The following NBEA variants were observed in gnomAD, a reference collection of about 807,000 sequenced individuals.
NBEA encodes lysosomal-trafficking regulator 2.
NBEA carries 44 observed loss-of-function variants against 343.4 expected under a neutral mutation model. The observed-to-expected ratio is 0.13, with a 90% CI of 0.10 to 0.16. NBEA has a LOEUF of 0.16. Among genes scored for constraint, NBEA ranks in the 10% least tolerant of loss-of-function variants. The pLI is 1.00. For missense variants in NBEA, 2,555 were observed against 3,631.3 expected (o/e 0.70, Z 7.62); for synonymous variants, 1,175 against 1,238.7 (o/e 0.95, Z 1.08).
intron 10 of NBEA, among the ~76,000 whole-genome samples, chr13:35,094,717 A>G (rs116873138): frequency 0.013 from 1,925 of 152,174 alleles, 16 homozygotes; most frequent in Non-Finnish European, 0.02. Flanking sequence ...GAAATACTAT[A>G]GAAATATGAT....
At chr13:35,370,765 C>T (rs1019036362) in intron 38 of NBEA, among the ~76,000 whole-genome samples, 8 of 152,046 alleles carry the variant, frequency 5.3e-5, no homozygotes, top group African/African-American at 1.9e-4. Flanking sequence ...TCTTTTGCTT[C>T]CAAGTATAGG....
At chr13:35,652,066 G>A (rs540982873) in intron 53 of NBEA, among the ~76,000 whole-genome samples, 190 bp downstream of exon 53, 5 of 152,100 alleles carry the variant, frequency 3.3e-5, no homozygotes, top group Non-Finnish European at 5.9e-5. Flanking sequence ...TAAAGCAATC[G>A]TTTCTTGATA....
intron 41 of NBEA, among the ~76,000 whole-genome samples, chr13:35,538,304 T>C (rs1266084895): frequency 6.6e-6 from 1 of 152,186 alleles, no homozygotes; most frequent in Non-Finnish European, 1.5e-5. Context: ...TGAAATACTT[T>C]TGTGCATGAA....
chr13:35,028,535 G>A (rs1873071616), intron 1 of NBEA, among the ~76,000 whole-genome samples: 1 of 151,792 alleles, frequency 6.6e-6, no homozygotes, highest in South Asian at 2.1e-4. Flanking sequence ...TTACAGAGAT[G>A]TTTTCCTAGA....
intron 18 of NBEA, among the ~76,000 whole-genome samples, chr13:35,149,571 C>CT (rs1220333684): frequency 2.0e-5 from 3 of 152,132 alleles, no homozygotes; most frequent in African/African-American, 7.2e-5. Context: ...TCAAAACCTG[C>CT]TACAATATCA....
intron 38 of NBEA, among the ~76,000 whole-genome samples, chr13:35,387,231 C>T (rs974303818): frequency 1.8e-4 from 28 of 152,180 alleles, no homozygotes; most frequent in African/African-American, 5.1e-4. Context: ...AATTCAATTT[C>T]GCATTACAAA....
intron 34 of NBEA, among the ~76,000 whole-genome samples, chr13:35,288,929 A>G (rs968341345): frequency 1.3e-5 from 2 of 151,864 alleles, no homozygotes; most frequent in Admixed American, 6.6e-5. Context: ...AGTTACACCA[A>G]TTGTCTCGTA....
chr13:35,345,887 C>A (rs2039843378), intron 36 of NBEA, among the ~76,000 whole-genome samples: 1 of 152,082 alleles, frequency 6.6e-6, no homozygotes. Context: ...ACTTGAAGAT[C>A]TTTTGAGTTA....
At chr13:35,261,205 T>TA (rs2033182286) in intron 34 of NBEA, among the ~76,000 whole-genome samples, 1 of 152,134 alleles carries the variant, frequency 6.6e-6, no homozygotes, top group African/African-American at 2.4e-5. Flanking sequence ...ACTATAAAGA[T>TA]GTTTAAATAT....
intron 48 of NBEA, among the ~76,000 whole-genome samples, chr13:35,626,294 A>G (rs1157977481): frequency 1.3e-5 from 2 of 152,244 alleles, no homozygotes; most frequent in East Asian, 1.9e-4. Flanking sequence ...GTGGAAGGAA[A>G]TGAAAATAGG....
chr13:35,352,647 T>C (rs2040253678), intron 38 of NBEA, among the ~76,000 whole-genome samples: 1 of 152,074 alleles, frequency 6.6e-6, no homozygotes, highest in Non-Finnish European at 1.5e-5. Context: ...GTGGCTCTTT[T>C]TAAAAAAGAA....
chr13:35,111,046 G>A (rs1374320094), intron 13 of NBEA, 68 bp downstream of exon 13: 4 of 1,346,418 alleles, frequency 3.0e-6, no homozygotes, highest in African/African-American at 2.9e-5. Flanking sequence ...TACTGTTAAA[G>A]TGAGCAGTGT....
chr13:35,352,877 C>A (rs1388872312), intron 38 of NBEA, among the ~76,000 whole-genome samples: 4 of 152,096 alleles, frequency 2.6e-5, no homozygotes, highest in African/African-American at 4.8e-5. Flanking sequence ...TTATAAATCA[C>A]AAATGTTCTC....
intron 35 of NBEA, among the ~76,000 whole-genome samples, chr13:35,301,496 TG>T (rs1259195865): frequency 6.6e-6 from 1 of 152,208 alleles, no homozygotes; most frequent in Non-Finnish European, 1.5e-5. Flanking sequence ...GCTTCATTCA[TG>T]TTGCTGCAAA....
At chr13:35,416,106 G>T (rs924597290) in intron 38 of NBEA, among the ~76,000 whole-genome samples, 1 of 152,140 alleles carries the variant, frequency 6.6e-6, no homozygotes, top group African/African-American at 2.4e-5. Context: ...CTTTGCTGAA[G>T]TTGCTTATCA....
At chr13:35,199,804 TTTC>T (rs1455235769) in intron 31 of NBEA, among the ~76,000 whole-genome samples, 1 of 152,126 alleles carries the variant, frequency 6.6e-6, no homozygotes, top group Non-Finnish European at 1.5e-5. Context: ...ATAAACCTTT[TTTC>T]TTTACTATTA....
chr13:35,526,722 G>A lies in NBEA; in HGVS notation c.6586-23755G>A, dbSNP rs151123068. On this transcript the variant is annotated intron_variant, in intron 41 of 58. Coordinates refer to ENST00000379939, the MANE Select transcript of NBEA (RefSeq NM_001385012.1). ...CCCAGATCCCATGCCTGCCAAGGGC[G>A]AGCCAGGCACAGAGTGGTGAAGAAT... 2.7e-4 allele frequency among the ~76,000 whole-genome samples: 41 copies of A among 152,322 alleles called. No individual in the cohort carries two copies. In the East Asian group the frequency reaches 6.4e-3, roughly 24 times the overall value.
chr13:35,272,201 C>T (rs543766662), intron 34 of NBEA, among the ~76,000 whole-genome samples: 1 of 152,284 alleles, frequency 6.6e-6, no homozygotes, highest in South Asian at 2.1e-4. Flanking sequence ...GGCCAATATT[C>T]AACATTCTTG....
chr13:35,024,788 C>T (rs1226633858), intron 1 of NBEA, among the ~76,000 whole-genome samples: 4 of 152,168 alleles, frequency 2.6e-5, no homozygotes, highest in Non-Finnish European at 5.9e-5. Flanking sequence ...ATTTACATCC[C>T]ACCAGCAGTG....
Sources: allele counts gnomAD v4.1 joint callset (sites outside exome capture counted in the v4.1 genomes callset), GRCh38; gene constraint gnomAD v4.1.1; transcripts MANE v1.5; gene names NCBI Gene and HGNC (gene_info 2026-07-23, HGNC 2026-07-21).